Variants in TNIK observed in about 807,000 individuals in gnomAD.
TNIK encodes TRAF2 and NCK interacting kinase.
A neutral mutation model predicts 191.3 loss-of-function variants in TNIK; 49 were observed. That is an observed-to-expected ratio of 0.26 (90% CI 0.20 to 0.32). The LOEUF (loss-of-function observed/expected upper bound fraction) is 0.32. TNIK is among the 10% of genes least tolerant of loss of function. The pLI is 1.00. For synonymous variants in TNIK, 594 were observed against 600.9 expected (o/e 0.99, Z 0.17); for missense variants, 1,155 against 1,702.3 (o/e 0.68, Z 5.66).
rs911775428 is a variant in TNIK at position 171,225,160 on chromosome 3, G to T, written c.180+3005C>A. ...ATAATGAGTACAATTATAATAATTGGTAAGAAGCTTTTACAGCATTCTGTA... is the reference window on the plus strand; with the variant it reads ...ATAATGAGTACAATTATAATAATTGTTAAGAAGCTTTTACAGCATTCTGTA... On this transcript the variant is annotated intron_variant, in intron 3 of 32. Coordinates refer to ENST00000436636, the MANE Select transcript of TNIK (RefSeq NM_015028.4). 2.0e-5 allele frequency among the ~76,000 whole-genome samples: 3 copies of T among 152,084 alleles called. No individual in the cohort carries two copies. The East Asian group carries it at 5.8e-4, about 29-fold the overall frequency.
At chr3:171,333,553 G>A (rs540416318) in intron 2 of TNIK, among the ~76,000 whole-genome samples, 15 of 132,688 alleles carry the variant, frequency 1.1e-4, no homozygotes, top group African/African-American at 2.2e-4. Flanking sequence ...CAACCTGGGC[G>A]AAACAGAGAC....
rs186145231 is a variant in TNIK at position 171,144,008 on chromosome 3, A to G, written c.1222-3499T>C. Among the ~76,000 whole-genome samples, 470 of 152,330 alleles carry G rather than the reference A, an allele frequency of 3.1e-3. 3 individuals carry two copies. Among genetic ancestry groups the G allele is most frequent in the African/African-American group, 0.011 (446 of 41,570 alleles). On this transcript the variant is annotated intron_variant, in intron 12 of 32. Transcript: ENST00000436636. The stretch of plus-strand genomic sequence containing the variant: ...AGAGTCTAAACTGGAAAAAAAGGGA[A>G]AGGGGAGAATCAAATAGCATTCCTA...
chr3:171,438,840 A>T (rs1351317422), intron 1 of TNIK, among the ~76,000 whole-genome samples: 1 of 152,098 alleles, frequency 6.6e-6, no homozygotes, highest in East Asian at 1.9e-4. Flanking sequence ...GTGGGATCAG[A>T]ATTTGGACTC....
chr3:171,263,565 A>G (rs960404960), intron 2 of TNIK, among the ~76,000 whole-genome samples: 5 of 152,128 alleles, frequency 3.3e-5, no homozygotes, highest in Admixed American at 2.6e-4. Flanking sequence ...AACACCTACA[A>G]TTTGGTAGGC....
At chr3:171,267,193 C>T (rs750845533) in intron 2 of TNIK, among the ~76,000 whole-genome samples, 3 of 152,104 alleles carry the variant, frequency 2.0e-5, no homozygotes, top group Non-Finnish European at 4.4e-5. Flanking sequence ...ATCTGAGTCA[C>T]GGTAGAAGAA....
At chr3:171,399,185 T>C (rs1720603524) in intron 1 of TNIK, among the ~76,000 whole-genome samples, 1 of 152,236 alleles carries the variant, frequency 6.6e-6, no homozygotes. Context: ...AATAGGGAAT[T>C]ATTCTGAAGC....
At chr3:171,073,857 A>G (rs568807038) in intron 28 of TNIK, among the ~76,000 whole-genome samples, 2 of 151,976 alleles carry the variant, frequency 1.3e-5, no homozygotes, top group South Asian at 2.1e-4. Context: ...AAAAAAAAAA[A>G]AAAAGATGGT....
rs937305811 is a variant in TNIK at position 171,062,223 on chromosome 3, A to G, written c.*1658T>C. 3.9e-5 allele frequency: 6 copies of G among 152,272 alleles called. No homozygotes were observed. The highest frequency in any genetic ancestry group is 6.5e-5 in the Admixed American group (1 of 15,276). The allele number at this position is 152,272 out of a possible 1,614,324, so 9.4% of individuals were successfully genotyped here. A position where few individuals can be genotyped will look rare whatever the true frequency, so the allele number is the denominator to read the frequency against. ...ATTATTTTCTCCAGAAACAAGCCAC[A>G]TTAGTTTTTGTCATTGGATTCCCCC... On this transcript the variant is annotated 3_prime_UTR_variant, in exon 33 of 33. Transcript: ENST00000436636.
At chr3:171,330,913 A>G (rs57575783) in intron 2 of TNIK, among the ~76,000 whole-genome samples, 4,558 of 152,322 alleles carry the variant, frequency 0.03, 226 homozygotes, top group African/African-American at 0.1. Context: ...TGGATGGAAC[A>G]GGTCCGTTTG....
intron 2 of TNIK, among the ~76,000 whole-genome samples, chr3:171,262,888 T>C (rs1361117313): frequency 6.6e-6 from 1 of 152,182 alleles, no homozygotes; most frequent in Non-Finnish European, 1.5e-5. Flanking sequence ...TATGGGTCAA[T>C]GAAGTAGGAG....
intron 1 of TNIK, among the ~76,000 whole-genome samples, chr3:171,416,093 G>A (rs967432934): frequency 2.6e-5 from 4 of 151,388 alleles, no homozygotes; most frequent in African/African-American, 9.7e-5. Context: ...GAGGTCTCTC[G>A]TTGCCTAAGG....
At chr3:171,126,214 C>CA in intron 16 of TNIK, 63 bp from the exon 17 acceptor site, 2 of 1,433,056 alleles carry the variant, frequency 1.4e-6, no homozygotes, top group Non-Finnish European at 1.8e-6. Context: ...GCCAGTACCT[C>CA]AGTGAGCTGA....
intron 19 of TNIK, among the ~76,000 whole-genome samples, chr3:171,110,506 G>A (rs554674704): frequency 6.6e-6 from 1 of 152,278 alleles, no homozygotes; most frequent in East Asian, 1.9e-4. Flanking sequence ...AGATTAGAAA[G>A]GATTTTGTCC....
At chr3:171,368,940 T>TG (rs1162753492) in intron 2 of TNIK, among the ~76,000 whole-genome samples, 644 of 39,352 alleles carry the variant, frequency 0.016, 3 homozygotes, top group African/African-American at 0.034. Context: ...TCATTTTTTT[T>TG]GTTTTTTTTT....
intron 2 of TNIK, among the ~76,000 whole-genome samples, chr3:171,256,429 G>C (rs1746879924): frequency 6.6e-6 from 1 of 152,134 alleles, no homozygotes; most frequent in Non-Finnish European, 1.5e-5. Flanking sequence ...TGTCCCAATG[G>C]GGAGATGCAA....
At chr3:171,182,301 A>G (rs1736768033) in intron 7 of TNIK, among the ~76,000 whole-genome samples, 1 of 150,480 alleles carries the variant, frequency 6.6e-6, no homozygotes, top group Non-Finnish European at 1.5e-5. Flanking sequence ...AAAGCCATAA[A>G]TGTCCTTGAC....
chr3:171,149,010 C>T (rs1732044173), intron 12 of TNIK, among the ~76,000 whole-genome samples: 1 of 152,164 alleles, frequency 6.6e-6, no homozygotes, highest in Non-Finnish European at 1.5e-5. Context: ...TCCTAATATT[C>T]CCCAGCCTCT....
At chr3:171,375,473 T>A (rs1250043888) in intron 1 of TNIK, among the ~76,000 whole-genome samples, 1 of 152,166 alleles carries the variant, frequency 6.6e-6, no homozygotes, top group African/African-American at 2.4e-5. Context: ...AGTTAGACAA[T>A]TGAGAAGGCG....
At chr3:171,221,743 T>G (rs1051914898) in intron 3 of TNIK, among the ~76,000 whole-genome samples, 1 of 152,088 alleles carries the variant, frequency 6.6e-6, no homozygotes, top group African/African-American at 2.4e-5. Context: ...CCTGCTCTAG[T>G]AAGCCATTTT....
Sources: allele counts gnomAD v4.1 joint callset (sites outside exome capture counted in the v4.1 genomes callset), GRCh38; gene constraint gnomAD v4.1.1; transcripts MANE v1.5; gene names NCBI Gene and HGNC (gene_info 2026-07-23, HGNC 2026-07-21).